Variants in KLF8 observed in about 807,000 individuals in gnomAD.
The protein encoded by KLF8 is KLF transcription factor 8.
KLF8 carries 10 observed loss-of-function variants against 18.2 expected under a neutral mutation model. The ratio of observed to expected loss-of-function variants is 0.55; its 90% CI spans 0.34 to 0.93. The LOEUF is 0.93. KLF8 is among the 40% of genes least tolerant of loss of function. KLF8 has a pLI of 0.02. For synonymous variants in KLF8, 109 were observed against 97.3 expected, an observed-to-expected ratio of 1.12 and a Z score of -0.71; for missense variants, 264 against 277.9, an observed-to-expected ratio of 0.95 and a Z score of 0.36.
chrX:55,971,153 C>G, the KLF8 span, among the ~76,000 whole-genome samples: 2 of 111,624 alleles, frequency 1.8e-5, no homozygotes, highest in Non-Finnish European at 3.8e-5. Flanking sequence ...CACTACCATA[C>G]TTAAAATTAC....
rs779031240 is a variant in KLF8, at chrX:56,265,456, C to T, written c.358C>T (p.Leu120Phe). ...CAAGCCACAGTCTTCTCCCCAGACC[C>T]TTGTGGTGTCCACGTCAACATCTGA... ...PPKPQSSPQT[L>F]VVSTSTSDMS... The change falls in exon 3 of 6, where the codon CTT (leucine) becomes TTT (phenylalanine). Residue 120 changes from leucine to phenylalanine, a missense_variant. Coordinates refer to ENST00000468660, the MANE Select transcript of KLF8 (RefSeq NM_007250.5). The T allele has an allele frequency of 8.3e-7, 1 of 1,210,330 alleles. No homozygotes were observed. Among genetic ancestry groups the T allele is most frequent in the Non-Finnish European group, 1.1e-6 (1 of 895,299 alleles).
At chrX:56,275,631 A>G (rs1416448156) in intron 5 of KLF8, among the ~76,000 whole-genome samples, 3 of 112,174 alleles carry the variant, frequency 2.7e-5, no homozygotes, top group Non-Finnish European at 5.6e-5. Context: ...CTTATGGGTC[A>G]GTAATTAATG....
the KLF8 span, among the ~76,000 whole-genome samples, chrX:56,172,966 T>A: frequency 1.3e-4 from 14 of 111,977 alleles, no homozygotes; most frequent in Non-Finnish European, 3.8e-5. Context: ...TTCTTATAAA[T>A]TTGTTTGAGT....
chrX:56,113,106 G>A, the KLF8 span, among the ~76,000 whole-genome samples: 4 of 108,535 alleles, frequency 3.7e-5, no homozygotes, highest in Non-Finnish European at 7.6e-5. Context: ...CCAGCTACTC[G>A]AGGATGGCTT....
the KLF8 span, among the ~76,000 whole-genome samples, chrX:56,182,096 A>C: frequency 1.8e-4 from 20 of 111,776 alleles, no homozygotes; most frequent in African/African-American, 6.5e-4. Context: ...TTTCAGGTAC[A>C]CCAGTCAGAC....
chrX:56,231,201 T>C (rs1490353162), upstream of KLF8, among the ~76,000 whole-genome samples: 1 of 111,456 alleles, frequency 9.0e-6, no homozygotes, highest in Non-Finnish European at 1.9e-5. Context: ...CTTGGATGTA[T>C]GGTGGTGCCA....
chrX:55,937,599 C>A, the KLF8 span, among the ~76,000 whole-genome samples: 3 of 111,538 alleles, frequency 2.7e-5, no homozygotes, highest in Non-Finnish European at 5.7e-5. Flanking sequence ...AAGTTCGAAC[C>A]AATGGCAAAG....
chrX:56,045,070 T>G, the KLF8 span, among the ~76,000 whole-genome samples: 3 of 112,180 alleles, frequency 2.7e-5, no homozygotes, highest in Non-Finnish European at 5.6e-5. Context: ...AGTTGATTTT[T>G]GTATAAGGTG....
the KLF8 span, among the ~76,000 whole-genome samples, chrX:56,003,862 C>T: frequency 8.9e-6 from 1 of 111,981 alleles, no homozygotes; most frequent in Admixed American, 9.5e-5. Context: ...TCCTGTGTAG[C>T]CTGAAAATCA....
the KLF8 span, among the ~76,000 whole-genome samples, chrX:56,037,011 AT>A: frequency 8.9e-6 from 1 of 111,765 alleles, no homozygotes; most frequent in Non-Finnish European, 1.9e-5. Flanking sequence ...TTTTGATTTT[AT>A]TTTACAACTT....
the KLF8 span, among the ~76,000 whole-genome samples, chrX:56,196,612 C>T: frequency 9.0e-6 from 1 of 111,133 alleles, no homozygotes; most frequent in African/African-American, 3.3e-5. Context: ...CCTTAGAGAC[C>T]TACAAAGAGA....
the KLF8 span, among the ~76,000 whole-genome samples, chrX:56,189,318 G>A: frequency 8.9e-6 from 1 of 111,966 alleles, no homozygotes; most frequent in Non-Finnish European, 1.9e-5. Flanking sequence ...AAACCACAGT[G>A]AGATATTATC....
At chrX:56,043,490 T>G in the KLF8 span, among the ~76,000 whole-genome samples, 1 of 111,750 alleles carries the variant, frequency 8.9e-6, no homozygotes, top group Non-Finnish European at 1.9e-5. Context: ...TGAACCCATA[T>G]TTCTCAGAGG....
chrX:56,175,910 G>A, the KLF8 span, among the ~76,000 whole-genome samples: 4 of 110,879 alleles, frequency 3.6e-5, no homozygotes, highest in Non-Finnish European at 5.7e-5. Flanking sequence ...ATCAGAGACT[G>A]GGATTGCAAC....
chrX:56,096,196 G>C, the KLF8 span, among the ~76,000 whole-genome samples: 1 of 111,545 alleles, frequency 9.0e-6, no homozygotes, highest in Non-Finnish European at 1.9e-5. Context: ...CTCAGAAACA[G>C]AGCGCCAAAT....
chrX:56,107,941 T>G, the KLF8 span, among the ~76,000 whole-genome samples: 1 of 112,063 alleles, frequency 8.9e-6, no homozygotes, highest in Admixed American at 9.5e-5. Context: ...GTAAAATATA[T>G]TCCCAATTTT....
the KLF8 span, among the ~76,000 whole-genome samples, chrX:56,066,664 G>A: frequency 9.0e-6 from 1 of 111,614 alleles, no homozygotes; most frequent in East Asian, 2.8e-4. Flanking sequence ...GTTGGCACTA[G>A]CCAGCAGTGG....
the KLF8 span, among the ~76,000 whole-genome samples, chrX:56,079,761 C>A: frequency 9.1e-6 from 1 of 109,735 alleles, no homozygotes; most frequent in African/African-American, 3.3e-5. Flanking sequence ...TAAAGTCTCC[C>A]ATTATTAATG....
chrX:56,140,281 A>G, the KLF8 span, among the ~76,000 whole-genome samples: 1 of 111,903 alleles, frequency 8.9e-6, no homozygotes. Flanking sequence ...AATATAAATA[A>G]TTCTACCATA....
Sources: allele counts gnomAD v4.1 joint callset (sites outside exome capture counted in the v4.1 genomes callset), GRCh38; gene constraint gnomAD v4.1.1; transcripts MANE v1.5; gene names NCBI Gene and HGNC (gene_info 2026-07-23, HGNC 2026-07-21).